SGSM3: variants seen among roughly 807,000 people sequenced by gnomAD.
SGSM3 encodes the protein small G protein signaling modulator 3, also known as RUN and SH3 containing 3.
Under a neutral mutation model 100.5 loss-of-function variants are expected in SGSM3, and 96 were observed. The ratio of observed to expected loss-of-function variants is 0.96; its 90% CI spans 0.81 to 1.13. The LOEUF (loss-of-function observed/expected upper bound fraction) is 1.13, where lower values mean the gene tolerates loss of function less well. Ranked by LOEUF, SGSM3 falls within the 50% of genes most tolerant of loss-of-function variation. The pLI is 0.00. For synonymous variants in SGSM3, 483 were observed against 422.8 expected (o/e 1.14, Z -1.75); for missense variants, 1,001 against 1,015.8 (o/e 0.99, Z 0.20).
chr22:40,404,769 G>T (rs1176194767), intron 6 of SGSM3, 105 bp downstream of exon 6: 1 of 805,326 alleles, frequency 1.2e-6, no homozygotes, highest in Non-Finnish European at 2.0e-6. Context: ...TGTGGGGTAG[G>T]GGAGGATATT....
intron 5 of SGSM3, 30 bp from the exon 6 acceptor site, chr22:40,404,526 AC>A: frequency 6.2e-7 from 1 of 1,611,292 alleles, no homozygotes; most frequent in East Asian, 2.2e-5. Context: ...CACGAGAAAG[AC>A]TGAGTGCCCT....
At chr22:40,409,431 G>T in intron 20 of SGSM3, 34 bp from the exon 21 acceptor site, 1 of 1,566,936 alleles carries the variant, frequency 6.4e-7, no homozygotes. Flanking sequence ...AGCTGGGGGT[G>T]ACAAGAGCCT....
At chr22:40,376,798 G>A (rs1414162956) in intron 1 of SGSM3, among the ~76,000 whole-genome samples, 2 of 151,976 alleles carry the variant, frequency 1.3e-5, no homozygotes, top group East Asian at 1.9e-4. Context: ...TTTTAATTTA[G>A]CATATAATCA....
In SGSM3 at chr22:40,409,523, G is replaced by A. The variant is rs1555952319; in HGVS notation, c.2170G>A (p.Glu724Lys). Reference protein sequence around the residue: ...SQDWELPAKREAQQPLKEGVR... With the variant: ...SQDWELPAKRKAQQPLKEGVR... Reference sequence around the variant, plus strand: ...GGACTGGGAGCTCCCTGCGAAGAGAGAGGTGGGTGGTGTGGGCCTCGTAGG... The same window carrying A: ...GGACTGGGAGCTCCCTGCGAAGAGAAAGGTGGGTGGTGTGGGCCTCGTAGG... The change falls in exon 21 of 22, where the codon GAG (glutamate) becomes AAG (lysine). Residue 724 changes from glutamate to lysine, a missense_variant and splice_region_variant. By Grantham distance (56) the Glu-to-Lys change is moderately conservative. Coordinates refer to ENST00000248929, the MANE Select transcript of SGSM3 (RefSeq NM_015705.6). The A allele has an allele frequency of 1.2e-6, 2 of 1,600,712 alleles. No homozygotes were observed. The highest frequency in any genetic ancestry group is 1.8e-5 in the Admixed American group (1 of 56,102).
intron 9 of SGSM3, 43 bp from the exon 10 acceptor site, chr22:40,406,395 C>A: frequency 6.6e-7 from 1 of 1,516,990 alleles, no homozygotes; most frequent in Non-Finnish European, 8.9e-7. Context: ...CACGTCCCTG[C>A]AATGACAACC....
chr22:40,376,409 C>G (rs2046607271), intron 1 of SGSM3: 1 of 151,918 alleles, frequency 6.6e-6, no homozygotes, highest in Non-Finnish European at 1.5e-5. Flanking sequence ...CTGCTTTAAT[C>G]TCATGAGTTG....
intron 3 of SGSM3, among the ~76,000 whole-genome samples, 156 bp from the exon 4 acceptor site, chr22:40,401,983 C>G (rs762403066): frequency 6.6e-6 from 1 of 152,142 alleles, no homozygotes; most frequent in Admixed American, 6.5e-5. Context: ...GAGAAGGTTG[C>G]GTGGTAACCA....
At chr22:40,386,403 G>T (rs2048448598) in intron 1 of SGSM3, among the ~76,000 whole-genome samples, 1 of 152,054 alleles carries the variant, frequency 6.6e-6, no homozygotes, top group South Asian at 2.1e-4. Context: ...TGGGATTTCT[G>T]TTGGTAATGA....
intron 1 of SGSM3, among the ~76,000 whole-genome samples, chr22:40,399,661 C>T (rs902029450): frequency 1.3e-5 from 2 of 152,208 alleles, no homozygotes; most frequent in Non-Finnish European, 2.9e-5. Flanking sequence ...TCATCCAGCT[C>T]ATAGTTCTGA....
intron 1 of SGSM3, among the ~76,000 whole-genome samples, chr22:40,392,541 G>T (rs1382518208): frequency 1.3e-5 from 2 of 152,134 alleles, no homozygotes; most frequent in Admixed American, 6.5e-5. Context: ...TAGCAGCTCT[G>T]CAGGGGAAGA....
chr22:40,402,613 A>G (rs77639875), intron 4 of SGSM3, among the ~76,000 whole-genome samples: 3,537 of 152,222 alleles, frequency 0.023, 132 homozygotes, highest in African/African-American at 0.081. Context: ...ATGGTGTGCG[A>G]CTGTAATCCC....
chr22:40,408,288 G>C lies in SGSM3; in HGVS notation c.1641G>C (p.Ala547=). Residue 547 remains alanine, a synonymous_variant, in exon 16 of 22, where the codon GCG becomes GCC. Coordinates refer to ENST00000248929, the MANE Select transcript of SGSM3 (RefSeq NM_015705.6). The part of the protein sequence containing the change: ...LDERSKEYSI[A]GDDSVTEGVT... ...ATCCCTCCCATCAGTACTCCATCGC[G>C]GGGGATGACTCGGTGACGGAGGGGG... The C allele has an allele frequency of 1.2e-6, 2 of 1,613,594 alleles. No homozygotes were observed. Among genetic ancestry groups the C allele is most frequent in the South Asian group, 1.1e-5 (1 of 91,070 alleles).
At chr22:40,393,081 A>G (rs555588849) in intron 1 of SGSM3, among the ~76,000 whole-genome samples, 1 of 152,222 alleles carries the variant, frequency 6.6e-6, no homozygotes, top group South Asian at 2.1e-4. Flanking sequence ...TTATCCATCA[A>G]TTGATGGACT....
intron 1 of SGSM3, among the ~76,000 whole-genome samples, chr22:40,375,253 C>T (rs1343761271): frequency 6.6e-6 from 1 of 152,154 alleles, no homozygotes; most frequent in Non-Finnish European, 1.5e-5. Context: ...AATAATTAAA[C>T]AGCTTTATCA....
chr22:40,384,579 G>A (rs2048125930), intron 1 of SGSM3, among the ~76,000 whole-genome samples: 1 of 152,206 alleles, frequency 6.6e-6, no homozygotes, highest in Non-Finnish European at 1.5e-5. Flanking sequence ...AGGAGATCGA[G>A]ACCATCCTGG....
chr22:40,410,097 G>GTCTA lies in SGSM3; in HGVS notation c.*341_*342insATCT. On this transcript the variant is annotated 3_prime_UTR_variant, in exon 22 of 22. Coordinates refer to ENST00000248929, the MANE Select transcript of SGSM3 (RefSeq NM_015705.6). The stretch of plus-strand genomic sequence containing the variant: ...TTTGGTTTATAAATAAACTGTGTCT[G>GTCTA]TCTTTGAGAAAGCACCTACCTGTCT... 8.4e-7 allele frequency: 1 copy of GTCTA among 1,194,424 alleles called. No homozygotes were observed. The highest frequency in any genetic ancestry group is 1.0e-6 in the Non-Finnish European group (1 of 962,296). 74.0% of individuals were successfully genotyped at this position (1,194,424 alleles called of 1,614,324 possible). A position where few individuals can be genotyped will look rare whatever the true frequency, so the allele number is the denominator to read the frequency against.
At chr22:40,380,176 G>A (rs1225722107) in intron 1 of SGSM3, among the ~76,000 whole-genome samples, 2 of 152,128 alleles carry the variant, frequency 1.3e-5, no homozygotes, top group Non-Finnish European at 1.5e-5. Flanking sequence ...TTTATACAGT[G>A]CTGGAAATGT....
chr22:40,406,623 C>A lies in SGSM3; in HGVS notation c.1146C>A (p.Gly382=). 1 of 1,608,632 alleles carries A rather than the reference C, an allele frequency of 6.2e-7. No individual in the cohort carries two copies. The highest frequency in any genetic ancestry group is 8.5e-7 in the Non-Finnish European group (1 of 1,176,440). ...TGGCCTATCTCATTGCAGACCAGGGCCAGCTCCTGGGGGCCGGCACCCTCA... is the reference window on the plus strand; with the variant it reads ...TGGCCTATCTCATTGCAGACCAGGGACAGCTCCTGGGGGCCGGCACCCTCA... ...KHLAYLIADQ[G]QLLGAGTLTN... is the part of the protein sequence containing the mutation. Residue 382 remains glycine, a synonymous_variant, in exon 10 of 22, where the codon GGC becomes GGA. Coordinates refer to ENST00000248929, the MANE Select transcript of SGSM3 (RefSeq NM_015705.6).
At chr22:40,399,628 C>A (rs1440899726) in intron 1 of SGSM3, among the ~76,000 whole-genome samples, 1 of 152,212 alleles carries the variant, frequency 6.6e-6, no homozygotes, top group Non-Finnish European at 1.5e-5. Context: ...CTAGCTCAGT[C>A]TCTTTAATGT....
Sources: gnomAD v4.1 joint callset for allele counts (sites outside exome capture counted in the v4.1 genomes callset) on GRCh38, gnomAD v4.1.1 for gene constraint, MANE v1.5 for transcripts, NCBI Gene and HGNC (gene_info 2026-07-23, HGNC 2026-07-21) for gene names.